The following PARVA variants were observed in gnomAD, a reference collection of about 807,000 sequenced individuals.
The protein encoded by PARVA is alpha-parvin.
Under a neutral mutation model 52.6 loss-of-function variants are expected in PARVA, and 25 were observed. The ratio of observed to expected loss-of-function variants is 0.48; its 90% confidence interval spans 0.35 to 0.66. The LOEUF (loss-of-function observed/expected upper bound fraction) is 0.66. Ranked by LOEUF, PARVA falls within the 30% of genes least tolerant of loss-of-function variation. The pLI is 0.01. For missense variants in PARVA, 373 were observed against 450.9 expected, an observed-to-expected ratio of 0.83 and a Z score of 1.56; for synonymous variants, 185 against 179.1, an observed-to-expected ratio of 1.03 and a Z score of -0.26.
Position 12,518,626 on chromosome 11 carries a change from G to A in PARVA, c.1042+109G>A, listed in dbSNP as rs890705990. ...AGCATTTTCTGAAGCCTTCGTTGCT[G>A]GGGAAGGTGGGACTCGGTGCAGCTG... On this transcript the variant is annotated intron_variant, in intron 12 of 12. Coordinates refer to ENST00000334956, the MANE Select transcript of PARVA (RefSeq NM_018222.5). 3.7e-5 allele frequency: 29 copies of A among 793,288 alleles called. No homozygotes were observed. In the South Asian group the frequency reaches 4.3e-4, roughly 12 times the overall value. 49.1% of individuals were successfully genotyped at this position (793,288 alleles called of 1,614,324 possible). A position where few individuals can be genotyped will look rare whatever the true frequency, so the allele number is the denominator to read the frequency against.
chr11:12,413,256 T>C (rs966043885), intron 1 of PARVA, among the ~76,000 whole-genome samples: 3 of 152,210 alleles, frequency 2.0e-5, no homozygotes, highest in Admixed American at 6.5e-5. Flanking sequence ...TCAGATTCTG[T>C]CCAGCTTCAA....
chr11:12,441,479 T>C (rs1263965417), intron 1 of PARVA, among the ~76,000 whole-genome samples: 2 of 151,930 alleles, frequency 1.3e-5, no homozygotes, highest in African/African-American at 4.8e-5. Context: ...CATTCGGGGG[T>C]AATTGGCTTA....
chr11:12,393,060 A>T (rs948446990), intron 1 of PARVA, among the ~76,000 whole-genome samples: 1 of 151,416 alleles, frequency 6.6e-6, no homozygotes, highest in African/African-American at 2.4e-5. Flanking sequence ...AAAAAAAAAA[A>T]AAAAAAAGAA....
At chr11:12,437,794 C>CAG (rs1284051881) in intron 1 of PARVA, among the ~76,000 whole-genome samples, 3 of 152,082 alleles carry the variant, frequency 2.0e-5, no homozygotes, top group South Asian at 2.1e-4. Context: ...GCAGGGGAGG[C>CAG]AGAGAGAGAG....
At chr11:12,472,131 CA>C (rs1940942841) in intron 1 of PARVA, among the ~76,000 whole-genome samples, 1 of 152,168 alleles carries the variant, frequency 6.6e-6, no homozygotes, top group Non-Finnish European at 1.5e-5. Context: ...CAGGGATGTC[CA>C]ATCTTTTGGC....
rs947121901 is a variant in PARVA at position 12,530,495 on chromosome 11, A to G, written c.*2570A>G. 5 of 152,218 alleles carry G rather than the reference A, an allele frequency of 3.3e-5. No individual in the cohort carries two copies. The highest frequency in any genetic ancestry group is 6.5e-5 in the Admixed American group (1 of 15,280). 9.4% of individuals were successfully genotyped at this position (152,218 alleles called of 1,614,324 possible). ...CAGTTATTTTTAATGCTTAATACAT[A>G]CATGGTGCAAAATTTAAAAAGCGCA... On this transcript the variant is annotated 3_prime_UTR_variant, in exon 13 of 13. Coordinates refer to ENST00000334956, the MANE Select transcript of PARVA (RefSeq NM_018222.5).
chr11:12,449,045 G>A (rs2135012253), intron 1 of PARVA, among the ~76,000 whole-genome samples: 1 of 152,240 alleles, frequency 6.6e-6, no homozygotes, highest in African/African-American at 2.4e-5. Context: ...TATTATAGTT[G>A]CTTTAATTTG....
At chr11:12,520,272 G>A (rs1941621047) in intron 12 of PARVA, among the ~76,000 whole-genome samples, 1 of 152,196 alleles carries the variant, frequency 6.6e-6, no homozygotes, top group Non-Finnish European at 1.5e-5. Context: ...TACGTAAAGG[G>A]GAATGGAAAT....
chr11:12,422,479 G>A (rs973220010), intron 1 of PARVA, among the ~76,000 whole-genome samples: 6 of 152,184 alleles, frequency 3.9e-5, no homozygotes, highest in South Asian at 4.1e-4. Flanking sequence ...TGGGCTTGTC[G>A]TCCAACAGCT....
chr11:12,518,971 G>A (rs559283778), intron 12 of PARVA, among the ~76,000 whole-genome samples: 2 of 152,334 alleles, frequency 1.3e-5, no homozygotes, highest in South Asian at 4.1e-4. Context: ...TGATTTGTGG[G>A]GTTTGGGTTG....
chr11:12,424,334 TTCTC>T (rs1311054579), intron 1 of PARVA, among the ~76,000 whole-genome samples: 3 of 151,414 alleles, frequency 2.0e-5, no homozygotes, highest in African/African-American at 7.2e-5. Flanking sequence ...CCTGTATTTA[TTCTC>T]TATTTATTTT....
chr11:12,500,876 A>G (rs1161457577), intron 5 of PARVA, among the ~76,000 whole-genome samples: 6 of 152,106 alleles, frequency 3.9e-5, no homozygotes, highest in Non-Finnish European at 8.8e-5. Context: ...TGGGAGGCCA[A>G]GGTGGGTGGA....
At chr11:12,484,126 T>G (rs111382472) in intron 4 of PARVA, among the ~76,000 whole-genome samples, 8 of 152,330 alleles carry the variant, frequency 5.3e-5, no homozygotes, top group African/African-American at 1.4e-4. Context: ...TGGTTATATT[T>G]ACATTCACAA....
intron 1 of PARVA, among the ~76,000 whole-genome samples, chr11:12,461,405 ACTT>A (rs1172538084): frequency 1.3e-5 from 2 of 152,188 alleles, no homozygotes; most frequent in African/African-American, 2.4e-5. Context: ...AAGGCATGGC[ACTT>A]CTTCTCTAAG....
intron 6 of PARVA, among the ~76,000 whole-genome samples, chr11:12,508,106 A>AC (rs1941455916): frequency 7.9e-6 from 1 of 126,744 alleles, no homozygotes; most frequent in Non-Finnish European, 1.6e-5. Context: ...AGTTAAAAAA[A>AC]AAAAAAAAAA....
intron 4 of PARVA, among the ~76,000 whole-genome samples, chr11:12,490,974 G>C (rs1251816264): frequency 1.3e-5 from 2 of 151,788 alleles, no homozygotes; most frequent in Non-Finnish European, 2.9e-5. Flanking sequence ...ATCATGGGGA[G>C]AAAATGGAAT....
chr11:12,443,587 GTTAAGTATATTCATTCATGCTTT>G (rs562166006), intron 1 of PARVA, among the ~76,000 whole-genome samples: 15 of 152,136 alleles, frequency 9.9e-5, no homozygotes, highest in South Asian at 4.1e-4. Flanking sequence ...CAATAACAGA[GTTAAGTATATTCATTCATGCTTT>G]TTAAGTATAT....
At chr11:12,388,705 T>C (rs189229051) in intron 1 of PARVA, among the ~76,000 whole-genome samples, 247 of 152,172 alleles carry the variant, frequency 1.6e-3, no homozygotes, top group African/African-American at 5.7e-3. Flanking sequence ...TTTTTCTTTT[T>C]TAGTATTGTG....
At chr11:12,471,898 G>A (rs1940940445) in intron 1 of PARVA, among the ~76,000 whole-genome samples, 2 of 152,242 alleles carry the variant, frequency 1.3e-5, no homozygotes, top group South Asian at 4.1e-4. Context: ...GCCTAGCCTT[G>A]CAGCCACATT....
Sources: allele counts gnomAD v4.1 joint callset (sites outside exome capture counted in the v4.1 genomes callset), GRCh38; gene constraint gnomAD v4.1.1; transcripts MANE v1.5; gene names NCBI Gene and HGNC (gene_info 2026-07-23, HGNC 2026-07-21).